Variants in GTF2H3 observed in about 807,000 individuals in gnomAD.
GTF2H3 encodes the protein general transcription factor IIH subunit 3, also known as TFIIH basal transcription factor complex p34 subunit.
A neutral mutation model predicts 51.1 loss-of-function variants in GTF2H3; 42 were observed. That is an observed-to-expected ratio of 0.82 (90% confidence interval 0.64 to 1.06). The LOEUF (loss-of-function observed/expected upper bound fraction) is 1.06. Among genes scored for constraint, GTF2H3 ranks in the 50% least tolerant of loss-of-function variants. The pLI is 0.00. For synonymous variants in GTF2H3, 123 were observed against 123.8 expected, an observed-to-expected ratio of 0.99 and a Z score of 0.04; for missense variants, 326 against 366.1, an observed-to-expected ratio of 0.89 and a Z score of 0.89.
chr12:123,641,179 A>G (rs1955366163), intron 2 of GTF2H3, among the ~76,000 whole-genome samples: 1 of 152,086 alleles, frequency 6.6e-6, no homozygotes, highest in Non-Finnish European at 1.5e-5. Context: ...AAAATAAAAA[A>G]ATTATCGAGA....
At position 123,655,767 on chromosome 12, in the gene GTF2H3, T is replaced by G; in HGVS notation, c.562-4T>G. ...CTGTAATATTTTCAAAATGTTTCTT[T>G]TAGAATATTTTGATTGATGCCTGTG... On this transcript the variant is annotated splice_region_variant and splice_polypyrimidine_tract_variant and intron_variant, in intron 8 of 12. Transcript: ENST00000543341. 1 of 1,552,292 alleles carries G rather than the reference T, an allele frequency of 6.4e-7. No individual in the cohort carries two copies. Among genetic ancestry groups the G allele is most frequent in the South Asian group, 1.1e-5 (1 of 89,636 alleles).
chr12:123,646,017 A>C (rs1255540184), intron 3 of GTF2H3, among the ~76,000 whole-genome samples: 1 of 152,176 alleles, frequency 6.6e-6, no homozygotes, highest in Non-Finnish European at 1.5e-5. Flanking sequence ...TTGGCTTCTA[A>C]ACCCAAGCCA....
rs1955513055 is a variant in GTF2H3 at position 123,651,013 on chromosome 12, T to C, written c.384T>C (p.His128=). ...TTGCAGGTGACATAAAGGGTCAACA[T>C]ACAGAAACTTTGCTGGCAGGATCCC... ...LMTKSDIKGQ[H]TETLLAGSLA... The change falls in exon 5 of 13, where the codon CAT becomes CAC. Residue 128 remains histidine (H), a synonymous_variant. Transcript: ENST00000543341. The C allele has an allele frequency of 1.9e-6, 3 of 1,613,000 alleles. No homozygotes were observed. The highest frequency in any genetic ancestry group is 2.7e-5 in the African/African-American group (2 of 75,016).
chr12:123,641,183 A>G (rs1482031739), intron 2 of GTF2H3, among the ~76,000 whole-genome samples: 1 of 152,006 alleles, frequency 6.6e-6, no homozygotes, highest in East Asian at 1.9e-4. Context: ...TAAAAAAATT[A>G]TCGAGAATGG....
intron 1 of GTF2H3, among the ~76,000 whole-genome samples, chr12:123,635,074 C>G (rs1955258595): frequency 6.6e-6 from 1 of 152,132 alleles, no homozygotes; most frequent in Admixed American, 6.5e-5. Flanking sequence ...GTGAGGGAGG[C>G]AGGCCTGGCA....
rs1306433440 is a variant in GTF2H3 at position 123,660,268 on chromosome 12, T to A, written c.*33T>A. The A allele has an allele frequency of 3.4e-6, 5 of 1,461,124 alleles. No individual in the cohort carries two copies. Among genetic ancestry groups the A allele is most frequent in the Non-Finnish European group, 4.7e-6 (5 of 1,055,962 alleles). The allele number at this position is 1,461,124 out of a possible 1,614,324, so 90.5% of individuals were successfully genotyped here. On this transcript the variant is annotated 3_prime_UTR_variant, in exon 13 of 13. Transcript: ENST00000543341. ...ATATTTTCCCCATCTTTTAGAGCTGTTAATAGAAATTATATAGCAGATTCT... is the reference window on the plus strand; with the variant it reads ...ATATTTTCCCCATCTTTTAGAGCTGATAATAGAAATTATATAGCAGATTCT...
At chr12:123,646,345 CCTT>C (rs2135786787) in intron 3 of GTF2H3, among the ~76,000 whole-genome samples, 1 of 151,392 alleles carries the variant, frequency 6.6e-6, no homozygotes, top group Non-Finnish European at 1.5e-5. Context: ...TAGCGTCTGA[CCTT>C]CTGGACATAA....
At chr12:123,642,302 C>T (rs767937758) in intron 2 of GTF2H3, among the ~76,000 whole-genome samples, 12 of 152,026 alleles carry the variant, frequency 7.9e-5, no homozygotes, top group Non-Finnish European at 1.6e-4. Flanking sequence ...TCCCGAGTAG[C>T]TGGTATTTCA....
intron 3 of GTF2H3, 62 bp downstream of exon 3, chr12:123,645,623 G>C (rs899431238): frequency 2.3e-6 from 2 of 871,610 alleles, no homozygotes; most frequent in Non-Finnish European, 3.9e-6. Flanking sequence ...TTCTGTGCCA[G>C]TTGGCATGTA....
rs539115923 is a variant in GTF2H3, at chr12:123,651,065, G to A, written c.427+9G>A. The A allele has an allele frequency of 2.5e-6, 4 of 1,601,692 alleles. No homozygotes were observed. Among genetic ancestry groups the A allele is most frequent in the Non-Finnish European group, 3.4e-6 (4 of 1,168,890 alleles). On this transcript the variant is annotated intron_variant, in intron 5 of 12. Coordinates refer to ENST00000543341, the MANE Select transcript of GTF2H3 (RefSeq NM_001516.5). ...GGCCAAAGCCCTTTGCTGTATCCTT[G>A]GTGTCTGAATCATTTAGAAGGTGTC...
intron 2 of GTF2H3, among the ~76,000 whole-genome samples, chr12:123,642,258 T>C (rs1432587016): frequency 6.6e-6 from 1 of 151,114 alleles, no homozygotes; most frequent in East Asian, 1.9e-4. Flanking sequence ...GCAACCTCTC[T>C]CTCCCGAGTT....
At chr12:123,635,831 A>G (rs1955275762) in intron 1 of GTF2H3, among the ~76,000 whole-genome samples, 1 of 152,234 alleles carries the variant, frequency 6.6e-6, no homozygotes, top group African/African-American at 2.4e-5. Flanking sequence ...ACTGTAAAAT[A>G]AAATAGTAAG....
At chr12:123,638,726 T>G (rs187388252) in intron 1 of GTF2H3, among the ~76,000 whole-genome samples, 2 of 151,158 alleles carry the variant, frequency 1.3e-5, no homozygotes, top group Admixed American at 1.3e-4. Context: ...TTACATTTAG[T>G]GCATTGGAGA....
At chr12:123,636,730 C>G (rs1027833479) in intron 1 of GTF2H3, among the ~76,000 whole-genome samples, 2 of 152,226 alleles carry the variant, frequency 1.3e-5, no homozygotes, top group Non-Finnish European at 1.5e-5. Context: ...CCAGCCTAAC[C>G]AACGTGGAGA....
At chr12:123,639,545 G>A (rs560784808) in intron 2 of GTF2H3, among the ~76,000 whole-genome samples, 4 of 152,120 alleles carry the variant, frequency 2.6e-5, no homozygotes, top group South Asian at 4.1e-4. Flanking sequence ...CTTTGACTGC[G>A]TAGCGTTCCC....
At chr12:123,637,504 CT>C (rs869031925) in intron 1 of GTF2H3, among the ~76,000 whole-genome samples, 350 of 140,756 alleles carry the variant, frequency 2.5e-3, no homozygotes, top group Middle Eastern at 7.2e-3. Flanking sequence ...TGTTTTTTAA[CT>C]TTTTTTTTTT....
chr12:123,659,127 C>T (rs560139634), intron 9 of GTF2H3, among the ~76,000 whole-genome samples: 1 of 152,336 alleles, frequency 6.6e-6, no homozygotes, highest in East Asian at 1.9e-4. Flanking sequence ...GGTATAGCCA[C>T]TTCAGGAAAC....
At position 123,659,592 on chromosome 12, in the gene GTF2H3, G is replaced by C. The variant is rs202070887; in HGVS notation, c.684+8G>C. 13 of 1,612,866 alleles carry C rather than the reference G, an allele frequency of 8.1e-6. No individual in the cohort carries two copies. Among genetic ancestry groups the C allele is most frequent in the Non-Finnish European group, 1.1e-5 (13 of 1,178,952 alleles). On this transcript the variant is annotated splice_region_variant and intron_variant, in intron 10 of 12. Transcript: ENST00000543341. The stretch of plus-strand genomic sequence containing the variant: ...CTTCTGCAGTATTTGCTGGTAAGGA[G>C]ACAGCAGCGGCGACCCTGATGCCTG...
At chr12:123,654,265 G>A (rs1955556355) in intron 7 of GTF2H3, among the ~76,000 whole-genome samples, 1 of 117,356 alleles carries the variant, frequency 8.5e-6, no homozygotes, top group Admixed American at 9.6e-5. Context: ...TATTTTGGGG[G>A]GGTGTATTTT....
Sources: gnomAD v4.1 joint callset for allele counts (sites outside exome capture counted in the v4.1 genomes callset) on GRCh38, gnomAD v4.1.1 for gene constraint, MANE v1.5 for transcripts, NCBI Gene and HGNC (gene_info 2026-07-23, HGNC 2026-07-21) for gene names.